The following CTBP2 variants were observed in gnomAD, a reference collection of about 807,000 sequenced individuals.
CTBP2 encodes the protein C-terminal-binding protein 2.
A neutral mutation model predicts 80.3 loss-of-function variants in CTBP2; 30 were observed. That is an observed-to-expected ratio of 0.37 (90% CI 0.28 to 0.51). The LOEUF (loss-of-function observed/expected upper bound fraction) is 0.51, where lower values mean the gene tolerates loss of function less well. CTBP2 is among the 20% of genes least tolerant of loss of function. CTBP2 has a pLI of 0.93. For missense variants in CTBP2, 1,212 were observed against 1,375.3 expected, an observed-to-expected ratio of 0.88 and a Z score of 1.88; for synonymous variants, 594 against 587.4, an observed-to-expected ratio of 1.01 and a Z score of -0.16.
intron 8 of CTBP2, among the ~76,000 whole-genome samples, chr10:124,991,712 C>G (rs1192187801): frequency 2.0e-5 from 3 of 152,162 alleles, no homozygotes; most frequent in Non-Finnish European, 4.4e-5. Flanking sequence ...CTACAATGCA[C>G]AGGACAGGCC....
intron 2 of CTBP2, among the ~76,000 whole-genome samples, chr10:125,075,149 G>T (rs1005076186): frequency 2.0e-5 from 3 of 152,168 alleles, no homozygotes. Context: ...TCATCAAAAA[G>T]ATTATAGAGT....
intron 8 of CTBP2, among the ~76,000 whole-genome samples, chr10:124,991,740 A>G (rs955168239): frequency 6.6e-6 from 1 of 152,112 alleles, no homozygotes; most frequent in Non-Finnish European, 1.5e-5. Context: ...CTACGAGAGA[A>G]TGAAGAGAAT....
chr10:125,106,451 G>A (rs71488654), intron 2 of CTBP2, among the ~76,000 whole-genome samples: 8,979 of 152,266 alleles, frequency 0.059, 267 homozygotes, highest in Middle Eastern at 0.078. Context: ...GCTCCTGAAT[G>A]CCAGATATAC....
chr10:125,074,543 G>A (rs61869190), intron 2 of CTBP2, among the ~76,000 whole-genome samples: 8,152 of 152,190 alleles, frequency 0.054, 285 homozygotes, highest in South Asian at 0.11. Flanking sequence ...TGGTAGAGAC[G>A]GGGTTTCACC....
chr10:125,012,700 C>T (rs901869909), intron 1 of CTBP2, among the ~76,000 whole-genome samples: 6 of 152,110 alleles, frequency 3.9e-5, no homozygotes, highest in Admixed American at 6.5e-5. Context: ...AGTGCAGTGG[C>T]GCGATCTCGG....
chr10:125,082,808 C>T (rs1040790204), intron 2 of CTBP2, among the ~76,000 whole-genome samples: 4 of 152,104 alleles, frequency 2.6e-5, no homozygotes, highest in African/African-American at 7.2e-5. Context: ...AGGGTGGTCT[C>T]GAATGCCAGA....
intron 2 of CTBP2, among the ~76,000 whole-genome samples, chr10:125,059,185 C>G (rs1218998124): frequency 1.3e-5 from 2 of 152,210 alleles, no homozygotes; most frequent in East Asian, 1.9e-4. Context: ...ACAAGCAATG[C>G]TAGTTGTTTC....
At chr10:125,042,273 C>T (rs1437455038) in intron 2 of CTBP2, among the ~76,000 whole-genome samples, 1 of 152,210 alleles carries the variant, frequency 6.6e-6, no homozygotes. Context: ...CAGCCACAGG[C>T]CCTCCTTAGA....
At chr10:125,060,819 G>A (rs546825760) in intron 2 of CTBP2, among the ~76,000 whole-genome samples, 1 of 152,336 alleles carries the variant, frequency 6.6e-6, no homozygotes, top group East Asian at 1.9e-4. Context: ...CAACCTAGAG[G>A]ACACGAAGCC....
chr10:125,146,666 AAACT>A, intron 1 of CTBP2, among the ~76,000 whole-genome samples: 1 of 152,258 alleles, frequency 6.6e-6, no homozygotes, highest in East Asian at 1.9e-4. Context: ...TGAAGGTGAC[AAACT>A]AACTGCCGGA....
At chr10:125,134,574 G>A (rs1179811823) in intron 1 of CTBP2, among the ~76,000 whole-genome samples, 1 of 152,176 alleles carries the variant, frequency 6.6e-6, no homozygotes, top group African/African-American at 2.4e-5. Context: ...ACTCTGCCAG[G>A]CAGGACCAAT....
chr10:125,141,582 G>C (rs898126212), intron 1 of CTBP2, among the ~76,000 whole-genome samples: 1 of 152,130 alleles, frequency 6.6e-6, no homozygotes, highest in African/African-American at 2.4e-5. Flanking sequence ...AGTCACAGGA[G>C]CACGGAACAG....
Position 125,141,706 on chromosome 10 carries a change from ACACT to A in CTBP2, c.-206+18609_-206+18612del, listed in dbSNP as rs529873373. On this transcript the variant is annotated intron_variant, in intron 1 of 10. Coordinates refer to the CTBP2 transcript ENST00000337195. ...CGAGCACACAGTAAGCACACGGTAA[ACACT>A]CAGCAAGTACATGGCAAATGCACAG... Among the ~76,000 whole-genome samples the A allele has an allele frequency of 4.6e-3, 706 of 151,858 alleles. 5 individuals carry two copies. Among genetic ancestry groups the A allele is most frequent in the African/African-American group, 0.016 (652 of 41,376 alleles).
At chr10:125,123,998 G>A (rs1446197641) in intron 1 of CTBP2, among the ~76,000 whole-genome samples, 1 of 152,240 alleles carries the variant, frequency 6.6e-6, no homozygotes, top group Non-Finnish European at 1.5e-5. Flanking sequence ...CCCTGACCCA[G>A]TCTGGCTAAA....
chr10:125,092,174 T>C (rs924052543), intron 2 of CTBP2, among the ~76,000 whole-genome samples: 2 of 130,548 alleles, frequency 1.5e-5, no homozygotes, highest in Non-Finnish European at 3.2e-5. Flanking sequence ...TGTCTGAAGA[T>C]TCTTTTTTTT....
intron 2 of CTBP2, among the ~76,000 whole-genome samples, chr10:125,052,323 G>A (rs564732052): frequency 2.8e-4 from 43 of 152,326 alleles, no homozygotes; most frequent in Non-Finnish European, 4.9e-4. Flanking sequence ...AGGTGTGCCC[G>A]TGGCCATTTC....
At chr10:125,143,065 CACT>C (rs747862284) in intron 1 of CTBP2, among the ~76,000 whole-genome samples, 6 of 152,304 alleles carry the variant, frequency 3.9e-5, no homozygotes, top group East Asian at 1.9e-4. Context: ...GGAAATCCAC[CACT>C]GTTTTGCTGA....
At chr10:125,014,676 C>T (rs1163330587) in intron 1 of CTBP2, among the ~76,000 whole-genome samples, 4 of 152,202 alleles carry the variant, frequency 2.6e-5, no homozygotes, top group African/African-American at 4.8e-5. Flanking sequence ...CTTGCCGAGA[C>T]GGGAACACCA....
At chr10:125,110,733 T>C (rs1051186263) in intron 2 of CTBP2, among the ~76,000 whole-genome samples, 3 of 152,224 alleles carry the variant, frequency 2.0e-5, no homozygotes, top group South Asian at 2.1e-4. Context: ...CTTATCTCTA[T>C]AGCAGCAGCA....
Sources: allele counts gnomAD v4.1 joint callset (sites outside exome capture counted in the v4.1 genomes callset), GRCh38; gene constraint gnomAD v4.1.1; transcripts MANE v1.5; gene names NCBI Gene and HGNC (gene_info 2026-07-23, HGNC 2026-07-21).